CCSER1: variants seen among roughly 807,000 people sequenced by gnomAD.
The protein encoded by CCSER1 is coiled-coil serine rich protein 1, also known as serine-rich coiled-coil domain-containing protein 1.
CCSER1 carries 41 observed loss-of-function variants against 82.0 expected under a neutral mutation model. The observed-to-expected ratio is 0.50, with a 90% CI of 0.39 to 0.65. The LOEUF is 0.65. Ranked by LOEUF, CCSER1 falls within the 30% of genes least tolerant of loss-of-function variation. The pLI is 0.00. For missense variants in CCSER1, 1,119 were observed against 1,064.2 expected (o/e 1.05, Z -0.72); for synonymous variants, 414 against 383.9 (o/e 1.08, Z -0.92).
At chr4:91,053,128 A>G (rs897527681) in intron 9 of CCSER1, among the ~76,000 whole-genome samples, 1 of 152,180 alleles carries the variant, frequency 6.6e-6, no homozygotes, top group African/African-American at 2.4e-5. Context: ...AATTTAGGGA[A>G]AAATGTCCTT....
intron 7 of CCSER1, among the ~76,000 whole-genome samples, chr4:90,755,193 A>T (rs1041477173): frequency 6.6e-6 from 1 of 152,132 alleles, no homozygotes; most frequent in African/African-American, 2.4e-5. Context: ...ATACTTTGCT[A>T]CTCCAAATAA....
intron 1 of CCSER1, among the ~76,000 whole-genome samples, chr4:90,175,358 A>G (rs1180811207): frequency 6.6e-6 from 1 of 151,986 alleles, no homozygotes; most frequent in Non-Finnish European, 1.5e-5. Context: ...GGTAAGATGT[A>G]TGCTGGCCGG....
chr4:91,322,771 TATG>T (rs1472703240), intron 10 of CCSER1, among the ~76,000 whole-genome samples: 2 of 152,118 alleles, frequency 1.3e-5, no homozygotes, highest in East Asian at 3.9e-4. Context: ...CTTCAGTAGA[TATG>T]AGGCCTAGCA....
intron 10 of CCSER1, among the ~76,000 whole-genome samples, chr4:91,162,671 G>C (rs912055460): frequency 6.6e-6 from 1 of 152,114 alleles, no homozygotes; most frequent in African/African-American, 2.4e-5. Context: ...GGGTGTATGT[G>C]TCCAGGAATC....
chr4:91,037,994 G>C (rs966493368), intron 9 of CCSER1, among the ~76,000 whole-genome samples: 6 of 151,770 alleles, frequency 4.0e-5, no homozygotes, highest in African/African-American at 1.5e-4. Context: ...CATTGCTTTT[G>C]TAATTAAGAG....
intron 9 of CCSER1, among the ~76,000 whole-genome samples, chr4:90,933,009 AAAG>A (rs1561385564): frequency 2.4e-5 from 2 of 83,058 alleles, no homozygotes; most frequent in East Asian, 6.1e-4. Context: ...AGAAAGAAAG[AAAG>A]AAAGAAAGAA....
At chr4:90,228,888 GA>G (rs1295132819) in intron 1 of CCSER1, among the ~76,000 whole-genome samples, 2 of 152,156 alleles carry the variant, frequency 1.3e-5, no homozygotes, top group Non-Finnish European at 2.9e-5. Flanking sequence ...AAGATGAAGT[GA>G]ATGAAATGAA....
chr4:91,094,221 C>A (rs1408384521), intron 10 of CCSER1, among the ~76,000 whole-genome samples: 6 of 152,166 alleles, frequency 3.9e-5, no homozygotes, highest in Non-Finnish European at 8.8e-5. Flanking sequence ...CGAGCCAACA[C>A]CTCCCCGAAG....
chr4:91,249,864 T>C (rs981888427), intron 10 of CCSER1, among the ~76,000 whole-genome samples: 3 of 152,166 alleles, frequency 2.0e-5, no homozygotes, highest in Admixed American at 6.5e-5. Flanking sequence ...GATCATTTCC[T>C]ATTAATCTTA....
intron 10 of CCSER1, among the ~76,000 whole-genome samples, chr4:91,427,281 G>A (rs1336050651): frequency 6.6e-6 from 1 of 152,018 alleles, no homozygotes; most frequent in Non-Finnish European, 1.5e-5. Flanking sequence ...TTTCCCCACG[G>A]CCCATCCTGC....
At chr4:91,207,712 G>A (rs933168388) in intron 10 of CCSER1, among the ~76,000 whole-genome samples, 1 of 151,782 alleles carries the variant, frequency 6.6e-6, no homozygotes, top group Admixed American at 6.6e-5. Context: ...TGGCTTCATG[G>A]GAGAACAATT....
chr4:90,217,713 A>G (rs1741345717), intron 1 of CCSER1, among the ~76,000 whole-genome samples: 1 of 152,104 alleles, frequency 6.6e-6, no homozygotes, highest in African/African-American at 2.4e-5. Flanking sequence ...CCTGTTCACT[A>G]TGATATTGGC....
At chr4:90,616,717 ACACACACACACACACACACAC>A (rs1365727289) in intron 5 of CCSER1, among the ~76,000 whole-genome samples, 143 of 126,190 alleles carry the variant, frequency 1.1e-3, no homozygotes, top group African/African-American at 4.9e-3. Context: ...ACACACACAC[ACACACACACACACACACACAC>A]AAATAAAATA....
At chr4:91,119,810 G>A (rs1381620357) in intron 10 of CCSER1, among the ~76,000 whole-genome samples, 5 of 151,986 alleles carry the variant, frequency 3.3e-5, no homozygotes, top group African/African-American at 9.7e-5. Flanking sequence ...ATTGTGTAGT[G>A]TGCATTTTAT....
intron 3 of CCSER1, among the ~76,000 whole-genome samples, chr4:90,357,365 T>A (rs1744562625): frequency 6.6e-6 from 1 of 151,972 alleles, no homozygotes; most frequent in Non-Finnish European, 1.5e-5. Flanking sequence ...GTGATTTTTT[T>A]ATACTTGATT....
At chr4:90,177,793 G>A (rs1341272340) in intron 1 of CCSER1, among the ~76,000 whole-genome samples, 1 of 152,046 alleles carries the variant, frequency 6.6e-6, no homozygotes, top group Non-Finnish European at 1.5e-5. Context: ...CATAGCAAGT[G>A]ACAAAATATG....
chr4:91,013,555 T>G (rs1739173050), intron 9 of CCSER1, among the ~76,000 whole-genome samples: 1 of 131,376 alleles, frequency 7.6e-6, no homozygotes, highest in South Asian at 2.4e-4. Context: ...TATATTTTTT[T>G]GCTAGTCTGT....
chr4:90,263,685 G>A (rs1724736679), intron 1 of CCSER1, among the ~76,000 whole-genome samples: 1 of 152,172 alleles, frequency 6.6e-6, no homozygotes, highest in African/African-American at 2.4e-5. Context: ...AGCTGGCACA[G>A]AGGCAGTGGG....
intron 9 of CCSER1, among the ~76,000 whole-genome samples, chr4:91,064,668 C>T (rs939093464): frequency 2.0e-5 from 3 of 152,220 alleles, no homozygotes; most frequent in African/African-American, 7.2e-5. Flanking sequence ...CAGGCTGATA[C>T]AGCTAATTCA....
Sources: gnomAD v4.1 joint callset for allele counts (sites outside exome capture counted in the v4.1 genomes callset) on GRCh38, gnomAD v4.1.1 for gene constraint, MANE v1.5 for transcripts, NCBI Gene and HGNC (gene_info 2026-07-23, HGNC 2026-07-21) for gene names.